The following SH3GL3 variants were observed in gnomAD, a reference collection of about 807,000 sequenced individuals.
SH3GL3 encodes the protein SH3 domain containing GRB2 like 3, endophilin A3.
Under a neutral mutation model 47.7 loss-of-function variants are expected in SH3GL3, and 33 were observed. The ratio of observed to expected loss-of-function variants is 0.69; its 90% CI spans 0.52 to 0.92. The LOEUF is 0.92. Ranked by LOEUF, SH3GL3 falls within the 40% of genes least tolerant of loss-of-function variation. The pLI is 0.00. For missense variants in SH3GL3, 363 were observed against 417.8 expected, an observed-to-expected ratio of 0.87 and a Z score of 1.14; for synonymous variants, 155 against 148.8, an observed-to-expected ratio of 1.04 and a Z score of -0.30.
chr15:83,562,298 G>C (rs1245925866), intron 2 of SH3GL3, among the ~76,000 whole-genome samples: 1 of 152,096 alleles, frequency 6.6e-6, no homozygotes, highest in African/African-American at 2.4e-5. Flanking sequence ...CAAGGTACCT[G>C]CAAGTTTTTG....
intron 8 of SH3GL3, among the ~76,000 whole-genome samples, chr15:83,615,977 C>T (rs1464831355): frequency 6.6e-6 from 1 of 152,086 alleles, no homozygotes; most frequent in Non-Finnish European, 1.5e-5. Flanking sequence ...ATTAGTTTGA[C>T]TGCTTATACT....
chr15:83,612,199 G>A (rs2060687237), intron 8 of SH3GL3, among the ~76,000 whole-genome samples: 1 of 152,190 alleles, frequency 6.6e-6, no homozygotes, highest in Non-Finnish European at 1.5e-5. Flanking sequence ...CAGGGCTGTT[G>A]GTTTTTCTTG....
chr15:83,608,116 C>T (rs2060575287), intron 8 of SH3GL3, among the ~76,000 whole-genome samples: 1 of 152,120 alleles, frequency 6.6e-6, no homozygotes, highest in South Asian at 2.1e-4. Flanking sequence ...TTAAGGTTAA[C>T]ATAAATCACA....
At chr15:83,618,056 T>G in intron 8 of SH3GL3, 26 bp from the exon 9 acceptor site, 1 of 1,463,072 alleles carries the variant, frequency 6.8e-7, no homozygotes, top group Non-Finnish European at 9.6e-7. Context: ...TCATCTGTAC[T>G]TTTTGTCTCC....
intron 8 of SH3GL3, among the ~76,000 whole-genome samples, chr15:83,615,825 A>C (rs1156696205): frequency 6.6e-6 from 1 of 152,232 alleles, no homozygotes; most frequent in Non-Finnish European, 1.5e-5. Context: ...ATTAAATATA[A>C]TAGATATTTA....
At chr15:83,553,852 A>G (rs893172439) in intron 1 of SH3GL3, among the ~76,000 whole-genome samples, 2 of 152,088 alleles carry the variant, frequency 1.3e-5, no homozygotes, top group African/African-American at 4.8e-5. Flanking sequence ...CCTTTACTCA[A>G]TGGTAAATTT....
intron 1 of SH3GL3, among the ~76,000 whole-genome samples, chr15:83,460,951 C>T (rs542781133): frequency 1.1e-4 from 17 of 152,040 alleles, no homozygotes; most frequent in African/African-American, 2.2e-4. Context: ...GGCGTGGTGG[C>T]GGGCACCTGT....
rs1291011949 is a variant in SH3GL3, at chr15:83,572,562, A to G, written c.332-3A>G. 5.6e-6 allele frequency: 9 copies of G among 1,610,342 alleles called. No individual in the cohort carries two copies. The highest frequency in any genetic ancestry group is 6.8e-6 in the Non-Finnish European group (8 of 1,177,916). On this transcript the variant is annotated splice_region_variant and splice_polypyrimidine_tract_variant and intron_variant, in intron 4 of 8. Coordinates refer to ENST00000427482, the MANE Select transcript of SH3GL3 (RefSeq NM_003027.5). ...CCTTTTGTATTTATGTTTTCTATTC[A>G]AGGCAATGCATTGATAGAAGTTGGT...
chr15:83,613,371 C>G (rs1015703010), intron 8 of SH3GL3, among the ~76,000 whole-genome samples: 1 of 152,090 alleles, frequency 6.6e-6, no homozygotes, highest in Non-Finnish European at 1.5e-5. Flanking sequence ...CTTTCCAGCT[C>G]TCAGAATATC....
In SH3GL3 at chr15:83,618,587, T is replaced by C. The variant is rs1422427048; in HGVS notation, c.*300T>C. The C allele has an allele frequency of 2.7e-5, 9 of 335,138 alleles. No individual in the cohort carries two copies. The highest frequency in any genetic ancestry group is 4.4e-5 in the Non-Finnish European group (8 of 180,296). 20.8% of individuals were successfully genotyped at this position (335,138 alleles called of 1,614,324 possible). A position where few individuals can be genotyped will look rare whatever the true frequency, so the allele number is the denominator to read the frequency against. On this transcript the variant is annotated 3_prime_UTR_variant, in exon 9 of 9. Transcript: ENST00000427482. The stretch of plus-strand genomic sequence containing the variant: ...TGCAGTTATGTCAACGAATGGCCTA[T>C]ATTCCTCAGCTGCAATGAAATGGTA...
Position 83,568,521 on chromosome 15 carries a change from T to G in SH3GL3, c.188-8T>G, listed in dbSNP as rs749841500. On this transcript the variant is annotated splice_region_variant and splice_polypyrimidine_tract_variant and intron_variant, in intron 3 of 8. Transcript: ENST00000427482. The stretch of plus-strand genomic sequence containing the variant: ...CTTTAAAGAATTACAAATGACAATG[T>G]TTTTAAGCATACAGAGCTAAGCTAG... 1.9e-6 allele frequency: 3 copies of G among 1,610,274 alleles called. No individual in the cohort carries two copies. The highest frequency in any genetic ancestry group is 2.5e-6 in the Non-Finnish European group (3 of 1,177,114).
At chr15:83,495,413 T>A (rs1250143746) in intron 1 of SH3GL3, among the ~76,000 whole-genome samples, 1 of 152,148 alleles carries the variant, frequency 6.6e-6, no homozygotes, top group Non-Finnish European at 1.5e-5. Context: ...CCTCATCAGT[T>A]TCCCATGAGA....
chr15:83,627,275 T>C, the SH3GL3 span, among the ~76,000 whole-genome samples: 2 of 151,830 alleles, frequency 1.3e-5, no homozygotes, highest in Admixed American at 1.3e-4. Flanking sequence ...CGGGCACCTG[T>C]AGTCCAAGCT....
rs549440916 is a variant in SH3GL3, at chr15:83,551,161, G to C, written c.46-8092G>C. Among the ~76,000 whole-genome samples, 4 of 152,204 alleles carry C rather than the reference G, an allele frequency of 2.6e-5. No homozygotes were observed. The East Asian group carries it at 7.7e-4, about 29-fold the overall frequency. Reference sequence around the variant, plus strand: ...ATAATTTGTCACTGCTCGGTTGTAGGCTTTGAAAATAGTTTTCATTTTCCT... The same window carrying C: ...ATAATTTGTCACTGCTCGGTTGTAGCCTTTGAAAATAGTTTTCATTTTCCT... On this transcript the variant is annotated intron_variant, in intron 1 of 8. Coordinates refer to ENST00000427482, the MANE Select transcript of SH3GL3 (RefSeq NM_003027.5).
chr15:83,465,108 GA>G (rs1307963424), intron 1 of SH3GL3, among the ~76,000 whole-genome samples: 1 of 151,340 alleles, frequency 6.6e-6, no homozygotes. Context: ...TCAGGAGTTG[GA>G]GACCAGCCTG....
intron 2 of SH3GL3, 119 bp downstream of exon 2, chr15:83,559,440 T>C: frequency 1.5e-6 from 1 of 675,092 alleles, no homozygotes; most frequent in Non-Finnish European, 2.7e-6. Flanking sequence ...TAGGTGTGGA[T>C]TATGCAATCT....
chr15:83,493,338 G>C (rs1485946296), intron 1 of SH3GL3, among the ~76,000 whole-genome samples: 3 of 152,152 alleles, frequency 2.0e-5, no homozygotes, highest in Admixed American at 6.5e-5. Flanking sequence ...GTTCATTACA[G>C]AGGTTTTGTG....
chr15:83,512,560 T>C (rs1378455132), intron 1 of SH3GL3, among the ~76,000 whole-genome samples: 3 of 152,178 alleles, frequency 2.0e-5, no homozygotes, highest in African/African-American at 7.2e-5. Context: ...TCCTGCACAT[T>C]AGAATTGGAA....
At chr15:83,504,948 C>G (rs902215928) in intron 1 of SH3GL3, among the ~76,000 whole-genome samples, 2 of 152,156 alleles carry the variant, frequency 1.3e-5, no homozygotes, top group African/African-American at 4.8e-5. Flanking sequence ...GTATGCATCT[C>G]TAAACAAGAT....
Sources: gnomAD v4.1 joint callset for allele counts (sites outside exome capture counted in the v4.1 genomes callset) on GRCh38, gnomAD v4.1.1 for gene constraint, MANE v1.5 for transcripts, NCBI Gene and HGNC (gene_info 2026-07-23, HGNC 2026-07-21) for gene names.